The following FKBP15 variants were observed in gnomAD, a reference collection of about 807,000 sequenced individuals.
FKBP15 encodes the protein FK506-binding protein 15.
FKBP15 carries 106 observed loss-of-function variants against 158.1 expected under a neutral mutation model. That is an observed-to-expected ratio of 0.67 (90% CI 0.57 to 0.79). FKBP15 has a LOEUF of 0.79. Ranked by LOEUF, FKBP15 falls within the 30% of genes least tolerant of loss-of-function variation. The pLI is 0.00. For synonymous variants in FKBP15, 547 were observed against 548.6 expected (o/e 1.00, Z 0.04); for missense variants, 1,287 against 1,479.1 (o/e 0.87, Z 2.13).
chr9:113,196,032 GCA>G (rs10546355), intron 9 of FKBP15, among the ~76,000 whole-genome samples: 46,856 of 150,990 alleles, frequency 0.31, 7,335 homozygotes, highest in East Asian at 0.34. Flanking sequence ...ACACACACAT[GCA>G]CACACACACA....
Position 113,221,110 on chromosome 9 carries a change from TGAGAA to T in FKBP15, c.53+76_53+80del, listed in dbSNP as rs1831244846. 6 of 1,446,110 alleles carry T rather than the reference TGAGAA, an allele frequency of 4.1e-6. No homozygotes were observed. The Admixed American group carries it at 6.2e-5, about 15-fold the overall frequency. 89.6% of individuals were successfully genotyped at this position (1,446,110 alleles called of 1,614,324 possible). On this transcript the variant is annotated intron_variant, in intron 1 of 27. Transcript: ENST00000238256. ...TCCCCCCGGAAGTTGGGAAAAGGCC[TGAGAA>T]GAGATCGACCCCCCTCCAACAATCC...
At position 113,188,417 on chromosome 9, in the gene FKBP15, A is replaced by G; in HGVS notation, c.1248T>C (p.His416=). 1 of 1,613,914 alleles carries G rather than the reference A, an allele frequency of 6.2e-7. No homozygotes were observed. The highest frequency in any genetic ancestry group is 1.1e-5 in the South Asian group (1 of 91,076). ...GTGAGGTCATCTGTGGTAACGCTGG[A>G]TGGGCCGGATGAAGAGAGGGCTGGA... The part of the protein sequence containing the change: ...PSVQPSLHPA[H]PALPQMTSQA... Residue 416 remains histidine, a synonymous_variant, in exon 13 of 28, where the codon CAT becomes CAC. Coordinates refer to ENST00000238256, the MANE Select transcript of FKBP15 (RefSeq NM_015258.2).
chr9:113,199,928 C>G lies in FKBP15; in HGVS notation c.534G>C (p.Leu178=). 1 of 1,613,356 alleles carries G rather than the reference C, an allele frequency of 6.2e-7. No homozygotes were observed. The highest frequency in any genetic ancestry group is 8.5e-7 in the Non-Finnish European group (1 of 1,179,660). The stretch of plus-strand genomic sequence containing the variant: ...TGAGGTCCTGGGAGAGCACTGCATC[C>G]AGGGAAGAGGTACTGTTGCACTTAG... ...CIAKCNSTSS[L]DAVLSQDLIV... is the part of the protein sequence containing the mutation. Residue 178 remains leucine (L), a synonymous_variant, in exon 7 of 28, where the codon CTG becomes CTC. Transcript: ENST00000238256.
rs1394358442 is a variant in FKBP15, at chr9:113,174,624, CAG to C, written c.2224-43_2224-42del. 9.4e-6 allele frequency: 15 copies of C among 1,589,110 alleles called. No homozygotes were observed. In the African/African-American group the frequency reaches 1.8e-4, roughly 19 times the overall value. ...ACCATCATCAGCTCTAGCTTGTTAACAGAGAATAAAGAGGGATGATGGCGGTG... is the reference window on the plus strand; with the variant it reads ...ACCATCATCAGCTCTAGCTTGTTAACAGAATAAAGAGGGATGATGGCGGTG... On this transcript the variant is annotated intron_variant, in intron 21 of 27. Transcript: ENST00000238256.
At position 113,194,461 on chromosome 9, in the gene FKBP15, AAG is replaced by A. The variant is rs904091765; in HGVS notation, c.865-294_865-293del. Among the ~76,000 whole-genome samples the A allele has an allele frequency of 4.6e-4, 69 of 151,566 alleles. 1 individual carries two copies. The highest frequency in any genetic ancestry group is 1.2e-3 in the Admixed American group (19 of 15,244). On this transcript the variant is annotated intron_variant, in intron 9 of 27. Coordinates refer to ENST00000238256, the MANE Select transcript of FKBP15 (RefSeq NM_015258.2). ...AATAATAAATAAATTAAAAAAAAAA[AAG>A]AGTCATTGCAGGTGGAATAGGTTAC... is the stretch of plus-strand genomic sequence containing the variant.
rs200575573 is a variant in FKBP15, at chr9:113,166,146, C to T, written c.3592G>A (p.Gly1198Arg). 5.0e-6 allele frequency: 8 copies of T among 1,612,760 alleles called. No individual in the cohort carries two copies. In the African/African-American group the frequency reaches 9.3e-5, roughly 19 times the overall value. ...EEDEDEVSMK[G>R]RPPPTPLFGD... The stretch of plus-strand genomic sequence containing the variant: ...AAAAGGGGCGTTGGGGGCGGGCGTC[C>T]CTTCATGCTCTGATAAAACAGGAAA... The change falls in exon 28 of 28, where the codon GGA becomes AGA. Residue 1198 changes from glycine to arginine, a missense_variant. By Grantham distance (125) the Gly-to-Arg change is moderately radical. Transcript: ENST00000238256.
Position 113,163,287 on chromosome 9 carries a change from A to G in FKBP15, c.*2791T>C, listed in dbSNP as rs1300644890. On this transcript the variant is annotated 3_prime_UTR_variant, in exon 28 of 28. Coordinates refer to ENST00000238256, the MANE Select transcript of FKBP15 (RefSeq NM_015258.2). ...AGAAGGGTTCTTGGTGATGCAGGGC[A>G]TGGAACCTGGACACCCTCAGCTCTC... The G allele has an allele frequency of 6.2e-6, 1 of 162,262 alleles. No homozygotes were observed. Among genetic ancestry groups the G allele is most frequent in the Non-Finnish European group, 1.3e-5 (1 of 74,698 alleles). The allele number at this position is 162,262 out of a possible 1,614,324, so 10.1% of individuals were successfully genotyped here.
At position 113,164,586 on chromosome 9, in the gene FKBP15, G is replaced by C. The variant is rs1022779131; in HGVS notation, c.*1492C>G. The C allele has an allele frequency of 6.6e-6, 1 of 152,242 alleles. No homozygotes were observed. Among genetic ancestry groups the C allele is most frequent in the Non-Finnish European group, 1.5e-5 (1 of 68,092 alleles). The allele number at this position is 152,242 out of a possible 1,614,324, so 9.4% of individuals were successfully genotyped here. On this transcript the variant is annotated 3_prime_UTR_variant, in exon 28 of 28. Coordinates refer to ENST00000238256, the MANE Select transcript of FKBP15 (RefSeq NM_015258.2). The stretch of plus-strand genomic sequence containing the variant: ...CTGATCAGGGCATTCCCCCATGTTT[G>C]CAGGGAACTGGAAAGCTGCCTGGTG...
At chr9:113,168,891 G>A (rs1830145392) in intron 26 of FKBP15, among the ~76,000 whole-genome samples, 1 of 152,150 alleles carries the variant, frequency 6.6e-6, no homozygotes, top group African/African-American at 2.4e-5. Flanking sequence ...TGATATGTAA[G>A]TATGTATTTG....
At chr9:113,172,707 A>T (rs1266587275) in intron 23 of FKBP15, among the ~76,000 whole-genome samples, 1 of 152,236 alleles carries the variant, frequency 6.6e-6, no homozygotes, top group Non-Finnish European at 1.5e-5. Context: ...GCAGGAGGGT[A>T]GGTAATAACT....
At chr9:113,172,778 T>C (rs1002353318) in intron 23 of FKBP15, among the ~76,000 whole-genome samples, 1 of 152,226 alleles carries the variant, frequency 6.6e-6, no homozygotes, top group African/African-American at 2.4e-5. Flanking sequence ...ATCTGCAAGA[T>C]TGCCTCCAAG....
chr9:113,219,130 G>C (rs1831201203), intron 1 of FKBP15, among the ~76,000 whole-genome samples: 1 of 152,146 alleles, frequency 6.6e-6, no homozygotes, highest in Admixed American at 6.6e-5. Flanking sequence ...CAACGGTGAG[G>C]AATGGGCTAA....
chr9:113,198,260 CCT>C lies in FKBP15; in HGVS notation c.717+593_717+594del, dbSNP rs762720746. On this transcript the variant is annotated intron_variant, in intron 8 of 27. Transcript: ENST00000238256. The surrounding 1 kb of genome is among the most constrained non-coding windows in gnomAD (Gnocchi z 5.2). ...GAGAAGAAACTGTCTCACTTTTTCC[CCT>C]GTTAGGCTATAGGAAGGATGAAATA... Among the ~76,000 whole-genome samples, 39 of 152,202 alleles carry C rather than the reference CCT, an allele frequency of 2.6e-4. No individual in the cohort carries two copies. Among genetic ancestry groups the C allele is most frequent in the Admixed American group, 6.5e-5 (1 of 15,284 alleles).
At position 113,211,377 on chromosome 9, in the gene FKBP15, T is replaced by TA. The variant is rs1368147575; in HGVS notation, c.169+99_169+100insT. Reference sequence around the variant, plus strand: ...TTTTGCCATCTTGGCCAGGCTGGTCTCAAACTCCTGACCTCAGGTGATCCA... The same window carrying TA: ...TTTTGCCATCTTGGCCAGGCTGGTCTACAAACTCCTGACCTCAGGTGATCCA... On this transcript the variant is annotated intron_variant, in intron 2 of 27. Coordinates refer to ENST00000238256, the MANE Select transcript of FKBP15 (RefSeq NM_015258.2). 2.4e-5 allele frequency: 21 copies of TA among 858,498 alleles called. No individual in the cohort carries two copies. The African/African-American group carries it at 3.2e-4, about 13-fold the overall frequency. The allele number at this position is 858,498 out of a possible 1,614,324, so 53.2% of individuals were successfully genotyped here. A position where few individuals can be genotyped will look rare whatever the true frequency, so the allele number is the denominator to read the frequency against.
rs1261135865 is a variant in FKBP15 at position 113,162,855 on chromosome 9, G to A, written c.*3223C>T. The stretch of plus-strand genomic sequence containing the variant: ...GTCCTACAACACCTGGATTTTCCTT[G>A]GTGTGGTCTTGGGCTCTGCTGTGGG... On this transcript the variant is annotated 3_prime_UTR_variant, in exon 28 of 28. Transcript: ENST00000238256. 1.2e-6 allele frequency: 2 copies of A among 1,613,496 alleles called. No individual in the cohort carries two copies.
intron 19 of FKBP15, 134 bp from the exon 20 acceptor site, chr9:113,178,935 C>A (rs1830344750): frequency 1.3e-6 from 1 of 787,340 alleles, no homozygotes; most frequent in Non-Finnish European, 2.0e-6. Context: ...CTGCATTAAA[C>A]CAAATTCAAA....
chr9:113,182,286 A>G (rs866671787), intron 19 of FKBP15, among the ~76,000 whole-genome samples: 1 of 152,194 alleles, frequency 6.6e-6, no homozygotes, highest in South Asian at 2.1e-4. Context: ...CGAGCTTCAG[A>G]ATCAGCAGAT....
chr9:113,199,592 G>A (rs1227764524), intron 7 of FKBP15, among the ~76,000 whole-genome samples: 1 of 152,150 alleles, frequency 6.6e-6, no homozygotes, highest in Non-Finnish European at 1.5e-5. Flanking sequence ...TGGGGAAATT[G>A]GTTCCCACTT....
chr9:113,176,702 T>C (rs780309264), intron 20 of FKBP15, 29 bp from the exon 21 acceptor site: 1 of 1,603,744 alleles, frequency 6.2e-7, no homozygotes, highest in Admixed American at 1.7e-5. Context: ...GAGACTTCGC[T>C]ACAGAACCAA....
Sources: allele counts gnomAD v4.1 joint callset (sites outside exome capture counted in the v4.1 genomes callset), GRCh38; gene constraint gnomAD v4.1.1; non-coding constraint Gnocchi (gnomAD v3.1); transcripts MANE v1.5; gene names NCBI Gene and HGNC (gene_info 2026-07-23, HGNC 2026-07-21).